SUPT3H: variants seen among roughly 807,000 people sequenced by gnomAD.
SUPT3H encodes the protein SPT3 homolog, SAGA and STAGA complex component.
A neutral mutation model predicts 44.3 loss-of-function variants in SUPT3H; 44 were observed. The observed-to-expected ratio is 0.99, with a 90% CI of 0.78 to 1.28. The LOEUF (loss-of-function observed/expected upper bound fraction) is 1.28. Ranked by LOEUF, SUPT3H falls within the 50% of genes most tolerant of loss-of-function variation. The probability of loss-of-function intolerance (pLI) is 0.00; values close to 1 mark genes in which losing one functional copy is unlikely to be tolerated. For missense variants in SUPT3H, 380 were observed against 387.1 expected (o/e 0.98, Z 0.15); for synonymous variants, 124 against 125.6 (o/e 0.99, Z 0.09).
At chr6:44,885,906 C>T (rs561609413) in intron 10 of SUPT3H, among the ~76,000 whole-genome samples, 5 of 152,068 alleles carry the variant, frequency 3.3e-5, no homozygotes, top group Non-Finnish European at 5.9e-5. Flanking sequence ...ATAACCAATA[C>T]ACAGAAGTGC....
intron 2 of SUPT3H, among the ~76,000 whole-genome samples, chr6:45,326,554 A>C (rs1400339717): frequency 1.3e-5 from 2 of 151,978 alleles, no homozygotes; most frequent in African/African-American, 4.8e-5. Context: ...CCATAGTTAA[A>C]ATAAAACACC....
chr6:44,882,453 G>A (rs890088118), intron 10 of SUPT3H, among the ~76,000 whole-genome samples: 1 of 152,078 alleles, frequency 6.6e-6, no homozygotes, highest in African/African-American at 2.4e-5. Context: ...TTCTACCAGA[G>A]GTACAAGGAG....
intron 10 of SUPT3H, among the ~76,000 whole-genome samples, chr6:44,909,935 T>C (rs1766745306): frequency 6.6e-6 from 1 of 152,164 alleles, no homozygotes; most frequent in Non-Finnish European, 1.5e-5. Flanking sequence ...CTCTCACGAA[T>C]TGCTGGTGGG....
At chr6:44,876,845 A>G (rs929160367) in intron 10 of SUPT3H, among the ~76,000 whole-genome samples, 53 of 150,836 alleles carry the variant, frequency 3.5e-4, no homozygotes, top group Admixed American at 7.3e-4. Context: ...TGAAAAAAAA[A>G]AAAAAGAAAA....
chr6:45,131,912 A>G lies in SUPT3H; in HGVS notation c.102-25906T>C, dbSNP rs73738609. ...TACGTTTTGAGATCCCCCACACTCC[A>G]TGGATGCCTGAAACTGGGTAGTACG... is the stretch of plus-strand genomic sequence containing the variant. On this transcript the variant is annotated intron_variant, in intron 2 of 10. Transcript: ENST00000371459. Among the ~76,000 whole-genome samples the G allele has an allele frequency of 7.7e-3, 1,169 of 152,246 alleles. 21 individuals are homozygous for G. The highest frequency in any genetic ancestry group is 0.026 in the African/African-American group (1,098 of 41,550).
chr6:44,816,901 A>G, intron 11 of SUPT3H, among the ~76,000 whole-genome samples: 1 of 126,186 alleles, frequency 7.9e-6, no homozygotes, highest in East Asian at 1.9e-4. Flanking sequence ...AAATAAAACA[A>G]CAACAAAAAA....
At chr6:45,348,512 C>CAAA (rs754208599) in intron 2 of SUPT3H, among the ~76,000 whole-genome samples, 2 of 110,366 alleles carry the variant, frequency 1.8e-5, no homozygotes, top group South Asian at 3.1e-4. Context: ...ACTAAAAATA[C>CAAA]AAAAAAAAAA....
At chr6:45,031,356 T>C (rs972236033) in intron 3 of SUPT3H, among the ~76,000 whole-genome samples, 2 of 152,214 alleles carry the variant, frequency 1.3e-5, no homozygotes, top group Non-Finnish European at 2.9e-5. Context: ...ATAATACATA[T>C]TTGTGTGTGC....
At chr6:45,020,758 CA>C (rs1481744103) in intron 3 of SUPT3H, 126 bp from the exon 4 acceptor site, 5 of 561,538 alleles carry the variant, frequency 8.9e-6, no homozygotes, top group Non-Finnish European at 1.5e-5. Flanking sequence ...CCAGCAATCA[CA>C]TTACTGCTTT....
intron 1 of SUPT3H, among the ~76,000 whole-genome samples, chr6:45,369,685 G>C (rs978259494): frequency 6.6e-6 from 1 of 152,070 alleles, no homozygotes; most frequent in Non-Finnish European, 1.5e-5. Context: ...AGTATTTACG[G>C]GGCACCTACT....
At chr6:44,876,797 A>G (rs1445128059) in intron 10 of SUPT3H, among the ~76,000 whole-genome samples, 1 of 146,758 alleles carries the variant, frequency 6.8e-6, no homozygotes, top group Non-Finnish European at 1.5e-5. Context: ...TAAAATACAT[A>G]GTTGTAAAAG....
intron 9 of SUPT3H, among the ~76,000 whole-genome samples, chr6:44,935,650 C>A (rs1257484680): frequency 1.3e-5 from 2 of 152,172 alleles, no homozygotes; most frequent in African/African-American, 4.8e-5. Flanking sequence ...TTCTTGTATC[C>A]TTCCATTTTT....
chr6:44,886,954 C>T (rs958764637), intron 10 of SUPT3H, among the ~76,000 whole-genome samples: 1 of 152,072 alleles, frequency 6.6e-6, no homozygotes, highest in Non-Finnish European at 1.5e-5. Context: ...CAAAAAAAGG[C>T]AGGGGTTGCA....
At chr6:45,066,861 C>T (rs1793424294) in intron 3 of SUPT3H, among the ~76,000 whole-genome samples, 2 of 105,240 alleles carry the variant, frequency 1.9e-5, no homozygotes, top group African/African-American at 3.9e-5. Flanking sequence ...TAGGAAGAAT[C>T]AATATCGTGA....
At chr6:45,281,033 A>G (rs1777953262) in intron 2 of SUPT3H, among the ~76,000 whole-genome samples, 1 of 152,262 alleles carries the variant, frequency 6.6e-6, no homozygotes, top group South Asian at 2.1e-4. Flanking sequence ...ATAGTAATTA[A>G]CTGAGATAGC....
At chr6:45,141,926 C>T (rs1233068105) in intron 2 of SUPT3H, among the ~76,000 whole-genome samples, 1 of 152,074 alleles carries the variant, frequency 6.6e-6, no homozygotes, top group Non-Finnish European at 1.5e-5. Context: ...AAGATCATTG[C>T]CTAAGCACAT....
chr6:44,984,169 T>G (rs962652371), intron 6 of SUPT3H, among the ~76,000 whole-genome samples: 1 of 152,118 alleles, frequency 6.6e-6, no homozygotes, highest in Non-Finnish European at 1.5e-5. Flanking sequence ...CTTCTAGCGA[T>G]GGTGCCAAGT....
intron 2 of SUPT3H, among the ~76,000 whole-genome samples, chr6:45,284,277 A>C (rs983761188): frequency 6.6e-6 from 1 of 151,996 alleles, no homozygotes; most frequent in Non-Finnish European, 1.5e-5. Flanking sequence ...AACACAAAAA[A>C]CCCTTCAGAA....
At chr6:45,059,776 T>C (rs578011034) in intron 3 of SUPT3H, among the ~76,000 whole-genome samples, 6 of 151,796 alleles carry the variant, frequency 4.0e-5, no homozygotes, top group Non-Finnish European at 7.4e-5. Flanking sequence ...AATGAAAAAA[T>C]CACTAGTATT....
Sources: gnomAD v4.1 joint callset for allele counts (sites outside exome capture counted in the v4.1 genomes callset) on GRCh38, gnomAD v4.1.1 for gene constraint, MANE v1.5 for transcripts, NCBI Gene and HGNC (gene_info 2026-07-23, HGNC 2026-07-21) for gene names.